The following WDFY3 variants were observed in gnomAD, a reference collection of about 807,000 sequenced individuals.
WDFY3 encodes WD repeat and FYVE domain containing 3.
Under a neutral mutation model 409.6 loss-of-function variants are expected in WDFY3, and 66 were observed. That is an observed-to-expected ratio of 0.16 (90% CI 0.13 to 0.20). The LOEUF (loss-of-function observed/expected upper bound fraction) is 0.20. Ranked by LOEUF, WDFY3 falls within the 10% of genes least tolerant of loss-of-function variation. The pLI is 1.00. For missense variants in WDFY3, 3,031 were observed against 4,298.1 expected (o/e 0.71, Z 8.24); for synonymous variants, 1,521 against 1,537.1 (o/e 0.99, Z 0.25).
chr4:84,839,345 C>T (rs1047757856), intron 6 of WDFY3, among the ~76,000 whole-genome samples: 2 of 152,060 alleles, frequency 1.3e-5, no homozygotes, highest in Non-Finnish European at 2.9e-5. Context: ...CTACCATCAA[C>T]AGCAAACAGA....
At position 84,789,277 on chromosome 4, in the gene WDFY3, T is replaced by C. The variant is rs74534359; in HGVS notation, c.3669+449A>G. ...AAGAAACAATAAACTAAATACCTAC[T>C]ATCATTATCAGGGACTAATCTGGGT... On this transcript the variant is annotated intron_variant, in intron 22 of 67. Transcript: ENST00000295888. Among the ~76,000 whole-genome samples, 644 of 152,178 alleles carry C rather than the reference T, an allele frequency of 4.2e-3. 2 individuals carry two copies. Among genetic ancestry groups the C allele is most frequent in the African/African-American group, 0.014 (561 of 41,532 alleles).
chr4:84,752,415 G>A (rs1299334988), intron 35 of WDFY3, among the ~76,000 whole-genome samples: 2 of 151,864 alleles, frequency 1.3e-5, no homozygotes, highest in Non-Finnish European at 2.9e-5. Flanking sequence ...ACTCAGGAGG[G>A]TGAGGCAGTA....
In WDFY3 at chr4:84,778,528, A is replaced by G. The variant is rs760335533; in HGVS notation, c.4493T>C (p.Phe1498Ser). 1 of 1,606,160 alleles carries G rather than the reference A, an allele frequency of 6.2e-7. No homozygotes were observed. Among genetic ancestry groups the G allele is most frequent in the East Asian group, 2.2e-5 (1 of 44,690 alleles). The change falls in exon 27 of 68, where the codon TTC (phenylalanine) becomes TCC (serine). Residue 1498 changes from phenylalanine to serine, a missense_variant. Physicochemically the swap from Phe to Ser is radical, Grantham distance 155. Transcript: ENST00000295888. Reference protein sequence around the residue: ...ETSIIPNSTAFQDLLCDFEVW... With the variant: ...ETSIIPNSTASQDLLCDFEVW... ...TTCAAAATCACAGAGGAGGTCCTGGAAAGCAGTTGAATTTGGAATAATGGA... is the reference window on the plus strand; with the variant it reads ...TTCAAAATCACAGAGGAGGTCCTGGGAAGCAGTTGAATTTGGAATAATGGA...
intron 30 of WDFY3, among the ~76,000 whole-genome samples, chr4:84,769,091 A>C (rs1022524410): frequency 6.6e-6 from 1 of 152,322 alleles, no homozygotes; most frequent in East Asian, 1.9e-4. Context: ...GATGTGACTG[A>C]ATTACTGCAA....
At chr4:84,742,063 T>C in intron 37 of WDFY3, 142 bp from the exon 38 acceptor site, 1 of 673,030 alleles carries the variant, frequency 1.5e-6, no homozygotes, top group African/African-American at 1.8e-5. Flanking sequence ...TATGCACTAC[T>C]TGAAGAAAAT....
intron 1 of WDFY3, among the ~76,000 whole-genome samples, chr4:84,954,704 CAT>C (rs1392074246): frequency 6.6e-6 from 1 of 152,154 alleles, no homozygotes; most frequent in Non-Finnish European, 1.5e-5. Flanking sequence ...GAAAGTCAAT[CAT>C]ATTCCTACAT....
intron 33 of WDFY3, among the ~76,000 whole-genome samples, chr4:84,756,615 T>C (rs1741504007): frequency 6.7e-6 from 1 of 150,032 alleles, no homozygotes; most frequent in African/African-American, 2.4e-5. Flanking sequence ...TAAAATAAAA[T>C]AAAATAAAAT....
chr4:84,865,823 AC>A (rs1445071299), intron 3 of WDFY3, among the ~76,000 whole-genome samples: 1 of 152,162 alleles, frequency 6.6e-6, no homozygotes, highest in Non-Finnish European at 1.5e-5. Flanking sequence ...AAATTCCAAC[AC>A]TTTGGGAGGC....
In WDFY3 at chr4:84,678,159, G is replaced by T. The variant is rs1269462219; in HGVS notation, c.10259+9C>A. ...TGGGAAGCGGAGCTGGAAAAAGCCT[G>T]ACACTTACTTGGAGATGCCCAAGGC... On this transcript the variant is annotated intron_variant, in intron 66 of 67. Transcript: ENST00000295888. 1.2e-6 allele frequency: 2 copies of T among 1,610,278 alleles called. No individual in the cohort carries two copies. Among genetic ancestry groups the T allele is most frequent in the South Asian group, 2.2e-5 (2 of 90,972 alleles).
At position 84,834,118 on chromosome 4, in the gene WDFY3, C is replaced by T. The variant is rs528234419; in HGVS notation, c.577-2513G>A. On this transcript the variant is annotated intron_variant, in intron 7 of 67. Coordinates refer to ENST00000295888, the MANE Select transcript of WDFY3 (RefSeq NM_014991.6). ...ATAGTTGTTGTTGGTTCTGACACTG[C>T]CTTATGTGATTAGCGAGACAAATGC... is the stretch of plus-strand genomic sequence containing the variant. 4.6e-5 allele frequency among the ~76,000 whole-genome samples: 7 copies of T among 152,216 alleles called. No individual in the cohort carries two copies. The South Asian group carries it at 1.0e-3, about 23-fold the overall frequency.
rs1345705945 is a variant in WDFY3 at position 84,693,003 on chromosome 4, T to C, written c.8931A>G (p.Arg2977=). Reference sequence around the variant, plus strand: ...TGTCTCCATTGAGTCGACTTCTCACTCGCTTTGGTGGATGAGGTTTTTTAA... The same window carrying C: ...TGTCTCCATTGAGTCGACTTCTCACCCGCTTTGGTGGATGAGGTTTTTTAA... ...QLFKKPHPPK[R]VRSRLNGDNA... is the part of the protein sequence containing the mutation. Residue 2977 remains arginine, a synonymous_variant, in exon 59 of 68, where the codon CGA becomes CGG. Transcript: ENST00000295888. 2 of 1,611,214 alleles carry C rather than the reference T, an allele frequency of 1.2e-6. No individual in the cohort carries two copies. Among genetic ancestry groups the C allele is most frequent in the Admixed American group, 3.4e-5 (2 of 59,248 alleles).
intron 67 of WDFY3, among the ~76,000 whole-genome samples, chr4:84,676,070 C>G (rs1726231834): frequency 6.6e-6 from 1 of 152,206 alleles, no homozygotes; most frequent in Admixed American, 6.5e-5. Context: ...TAGAGTAATA[C>G]ATGTGACTAC....
intron 59 of WDFY3, 99 bp downstream of exon 59, chr4:84,692,786 A>G (rs1729473337): frequency 8.5e-7 from 1 of 1,175,986 alleles, no homozygotes; most frequent in Non-Finnish European, 1.2e-6. Flanking sequence ...TATTAAACAA[A>G]TTATGCTATC....
chr4:84,678,869 C>G, intron 65 of WDFY3, 50 bp downstream of exon 65: 1 of 1,548,160 alleles, frequency 6.5e-7, no homozygotes, highest in Non-Finnish European at 8.8e-7. Flanking sequence ...ATCCACCAAC[C>G]CTCACACCAC....
In WDFY3 at chr4:84,837,110, A is replaced by T; in HGVS notation, c.415-20T>A. The T allele has an allele frequency of 6.7e-7, 1 of 1,484,954 alleles. No individual in the cohort carries two copies. The highest frequency in any genetic ancestry group is 9.0e-7 in the Non-Finnish European group (1 of 1,109,402). 92.0% of individuals were successfully genotyped at this position (1,484,954 alleles called of 1,614,324 possible). On this transcript the variant is annotated intron_variant, in intron 6 of 67. Coordinates refer to ENST00000295888, the MANE Select transcript of WDFY3 (RefSeq NM_014991.6). ...GGTTTTCTGGAAAACAAGCCAATAA[A>T]TAAGTGAATAGATAGACACAACTAT...
Position 84,787,235 on chromosome 4 carries a change from A to C in WDFY3, c.3901+247T>G, listed in dbSNP as rs187506882. 2.0e-4 allele frequency among the ~76,000 whole-genome samples: 30 copies of C among 152,324 alleles called. No homozygotes were observed. In the East Asian group the frequency reaches 4.6e-3, roughly 24 times the overall value. On this transcript the variant is annotated intron_variant, in intron 23 of 67. Coordinates refer to ENST00000295888, the MANE Select transcript of WDFY3 (RefSeq NM_014991.6). The stretch of plus-strand genomic sequence containing the variant: ...TTAGACTCCTAGAGGGCATATACCT[A>C]TATCTCAGAGCCAGTAAGAGAAACT...
At chr4:84,741,447 T>C (rs535775036) in intron 38 of WDFY3, among the ~76,000 whole-genome samples, 2 of 152,018 alleles carry the variant, frequency 1.3e-5, no homozygotes, top group Admixed American at 6.6e-5. Flanking sequence ...CCCAAGTAGC[T>C]GGAATTACAG....
intron 3 of WDFY3, among the ~76,000 whole-genome samples, chr4:84,867,844 C>G (rs1469058578): frequency 6.6e-6 from 1 of 152,118 alleles, no homozygotes; most frequent in African/African-American, 2.4e-5. Context: ...GCTCATATGG[C>G]TAAGTGAAAT....
chr4:84,959,873 C>T (rs1774701768), intron 1 of WDFY3, among the ~76,000 whole-genome samples: 1 of 152,112 alleles, frequency 6.6e-6, no homozygotes, highest in African/African-American at 2.4e-5. Context: ...TAGGAATAAA[C>T]ATTACAGTAT....
Sources: allele counts gnomAD v4.1 joint callset (sites outside exome capture counted in the v4.1 genomes callset), GRCh38; gene constraint gnomAD v4.1.1; transcripts MANE v1.5; gene names NCBI Gene and HGNC (gene_info 2026-07-23, HGNC 2026-07-21).